The following CHD8 variants were observed in gnomAD, a reference collection of about 807,000 sequenced individuals.
CHD8 encodes ATP-dependent chromatin remodeler CHD8.
Under a neutral mutation model 279.2 loss-of-function variants are expected in CHD8, and 31 were observed. That is an observed-to-expected ratio of 0.11 (90% CI 0.08 to 0.15). CHD8 has a LOEUF of 0.15. CHD8 is among the 10% of genes least tolerant of loss of function. The probability of loss-of-function intolerance (pLI) is 1.00; values close to 1 mark genes in which losing one functional copy is unlikely to be tolerated. For missense variants in CHD8, 2,146 were observed against 3,230.5 expected (o/e 0.66, Z 8.14); for synonymous variants, 1,081 against 1,139.6 (o/e 0.95, Z 1.04).
chr14:21,447,435 G>T (rs1594394811), intron 1 of CHD8, among the ~76,000 whole-genome samples: 1 of 149,050 alleles, frequency 6.7e-6, no homozygotes, highest in African/African-American at 2.5e-5. Flanking sequence ...GCAGTACCAC[G>T]ATCTCAGCTC....
At chr14:21,442,172 CTG>C (rs930963888) in intron 1 of CHD8, among the ~76,000 whole-genome samples, 3 of 152,134 alleles carry the variant, frequency 2.0e-5, no homozygotes, top group African/African-American at 7.2e-5. Flanking sequence ...CAAAGGGAGA[CTG>C]TTTCTACAAT....
chr14:21,431,695 G>A lies in CHD8; in HGVS notation c.-52C>T, dbSNP rs928472084. The A allele has an allele frequency of 3.5e-5, 55 of 1,592,212 alleles. No individual in the cohort carries two copies. The highest frequency in any genetic ancestry group is 1.1e-4 in the Admixed American group (6 of 56,732). On this transcript the variant is annotated 5_prime_UTR_variant, in exon 2 of 38. Transcript: ENST00000646647. ...TCCAAGGTCTAGGGAGGGAAGGGGA[G>A]GGGGGGTACTGGCTCTCCCCTCCCC...
rs145753993 is a variant in CHD8 at position 21,426,407 on chromosome 14, AG to A, written c.1602-166del. 1,303 of 583,334 alleles carry A rather than the reference AG, an allele frequency of 2.2e-3. 6 individuals carry two copies. Among genetic ancestry groups the A allele is most frequent in the African/African-American group, 0.019 (1,011 of 53,106 alleles). The allele number at this position is 583,334 out of a possible 1,614,324, so 36.1% of individuals were successfully genotyped here. A position where few individuals can be genotyped will look rare whatever the true frequency, so the allele number is the denominator to read the frequency against. ...CTAAATATGGTGTTTGAAAAAAAGAAGATATTAGGGTTTGTAAACCACTGAC... is the reference window on the plus strand; with the variant it reads ...CTAAATATGGTGTTTGAAAAAAAGAAATATTAGGGTTTGTAAACCACTGAC... On this transcript the variant is annotated intron_variant, in intron 4 of 37. Coordinates refer to ENST00000646647, the MANE Select transcript of CHD8 (RefSeq NM_001170629.2).
intron 10 of CHD8, among the ~76,000 whole-genome samples, chr14:21,411,130 G>T (rs1243771586): frequency 6.6e-6 from 1 of 152,140 alleles, no homozygotes; most frequent in African/African-American, 2.4e-5. Context: ...AAGGCCAATT[G>T]CTTTTAGAAG....
chr14:21,422,969 G>A (rs985282627), intron 5 of CHD8, among the ~76,000 whole-genome samples: 8 of 151,806 alleles, frequency 5.3e-5, no homozygotes, highest in African/African-American at 1.5e-4. Flanking sequence ...CGCCTCTAAT[G>A]CCAGCATTTT....
At chr14:21,448,211 A>ATC (rs1347495186) in intron 1 of CHD8, among the ~76,000 whole-genome samples, 14 of 152,248 alleles carry the variant, frequency 9.2e-5, no homozygotes, top group Admixed American at 5.9e-4. Context: ...CACTGTTATT[A>ATC]TCAGACTTGT....
Position 21,431,706 on chromosome 14 carries a change from G to A in CHD8, c.-63C>T. On this transcript the variant is annotated 5_prime_UTR_variant, in exon 2 of 38. Coordinates refer to ENST00000646647, the MANE Select transcript of CHD8 (RefSeq NM_001170629.2). ...GGGAGGGAAGGGGAGGGGGGGTACT[G>A]GCTCTCCCCTCCCCTCCCCTATTAA... 7.5e-6 allele frequency: 12 copies of A among 1,601,386 alleles called. No homozygotes were observed. The highest frequency in any genetic ancestry group is 1.0e-5 in the Non-Finnish European group (12 of 1,173,626).
chr14:21,448,286 T>G (rs1169961474), intron 1 of CHD8, among the ~76,000 whole-genome samples: 1 of 152,228 alleles, frequency 6.6e-6, no homozygotes, highest in East Asian at 1.9e-4. Flanking sequence ...TGACTTGCAT[T>G]GGCTAAAAAA....
intron 5 of CHD8, among the ~76,000 whole-genome samples, chr14:21,418,476 C>T (rs766144683): frequency 3.3e-5 from 5 of 151,820 alleles, no homozygotes; most frequent in Non-Finnish European, 5.9e-5. Flanking sequence ...GCCAAGATCA[C>T]GCCACTGCAC....
chr14:21,391,159 A>C, intron 36 of CHD8, 96 bp from the exon 37 acceptor site: 2 of 841,580 alleles, frequency 2.4e-6, no homozygotes, highest in Non-Finnish European at 3.8e-6. Flanking sequence ...ATAAACACTT[A>C]TTACATAGAT....
chr14:21,414,843 T>C (rs1888646712), intron 8 of CHD8, 95 bp downstream of exon 8: 4 of 882,842 alleles, frequency 4.5e-6, no homozygotes, highest in Admixed American at 4.7e-5. Context: ...TACAAGACTA[T>C]AAAAAAGGGA....
At chr14:21,449,935 G>C (rs1458297628) in intron 1 of CHD8, among the ~76,000 whole-genome samples, 1 of 152,166 alleles carries the variant, frequency 6.6e-6, no homozygotes, top group Non-Finnish European at 1.5e-5. Flanking sequence ...ACAGGCGAAA[G>C]CACTAAATTT....
intron 1 of CHD8, among the ~76,000 whole-genome samples, chr14:21,453,308 T>A (rs1386176926): frequency 4.0e-5 from 6 of 151,590 alleles, no homozygotes; most frequent in Non-Finnish European, 8.8e-5. Flanking sequence ...ATACAGAAAT[T>A]ACATTCCCTA....
Position 21,432,212 on chromosome 14 carries a change from G to A in CHD8, c.-215-354C>T, listed in dbSNP as rs1889593220. On this transcript the variant is annotated intron_variant, in intron 1 of 37. Transcript: ENST00000646647. ...TCTATTTTCAGTTTTTAAGTTAGTA[G>A]AACTCAAAAATATGCCACCAGAATT... Among the ~76,000 whole-genome samples, 6 of 152,026 alleles carry A rather than the reference G, an allele frequency of 3.9e-5. No individual in the cohort carries two copies. The South Asian group carries it at 1.2e-3, about 32-fold the overall frequency.
chr14:21,403,048 T>C lies in CHD8; in HGVS notation c.3683A>G (p.Asp1228Gly). Residue 1228 changes from aspartate to glycine, a missense_variant, in exon 18 of 38, where the codon GAT becomes GGT. By Grantham distance (94) the Asp-to-Gly change is moderately conservative. Coordinates refer to ENST00000646647, the MANE Select transcript of CHD8 (RefSeq NM_001170629.2). This position sits in a 1 kb window ranked among gnomAD's most constrained non-coding sequence, Gnocchi z 4.3. ...GTCATTTTGTGGATTCCAGTCTGAA[T>C]CAAAGATGATGCAGGTATCAGCAGC... ...LTAADTCIIF[D>G]SDWNPQNDLQ... The C allele has an allele frequency of 6.2e-7, 1 of 1,614,010 alleles. No individual in the cohort carries two copies. Among genetic ancestry groups the C allele is most frequent in the Non-Finnish European group, 8.5e-7 (1 of 1,179,882 alleles).
chr14:21,400,823 T>C lies in CHD8; in HGVS notation c.4370+52A>G, dbSNP rs1307474967. On this transcript the variant is annotated intron_variant, in intron 22 of 37. Transcript: ENST00000646647. The surrounding 1 kb of genome is among the most constrained non-coding windows in gnomAD (Gnocchi z 4.2). ...TTGAAAGGCAAACCAAGAGTATCTA[T>C]CAGGATGGAGATGCACTATGCACTA... 6.7e-7 allele frequency: 1 copy of C among 1,492,858 alleles called. No homozygotes were observed. Among genetic ancestry groups the C allele is most frequent in the African/African-American group, 1.4e-5 (1 of 71,164 alleles). The allele number at this position is 1,492,858 out of a possible 1,614,324, so 92.5% of individuals were successfully genotyped here. A position where few individuals can be genotyped will look rare whatever the true frequency, so the allele number is the denominator to read the frequency against.
rs536346293 is a variant in CHD8 at position 21,394,382 on chromosome 14, A to C, written c.5494T>G (p.Phe1832Val). The C allele has an allele frequency of 3.1e-6, 5 of 1,613,968 alleles. No homozygotes were observed. In the South Asian group the frequency reaches 5.5e-5, roughly 18 times the overall value. ...MQFHWDRFRT[F>V]ARLDKKTDES... Reference sequence around the variant, plus strand: ...TCTGTCTTTTTGTCTAGTCGAGCAAAAGTGCGGAAGCGATCCCAATGGAAC... The same window carrying C: ...TCTGTCTTTTTGTCTAGTCGAGCAACAGTGCGGAAGCGATCCCAATGGAAC... The change falls in exon 31 of 38, where the codon TTT (phenylalanine) becomes GTT (valine). Residue 1832 changes from phenylalanine (F) to valine (V), a missense_variant. By Grantham distance (50) the Phe-to-Val change is conservative. This residue lies in a region of CHD8 where 513 missense variants were observed against 637.6 expected (regional missense o/e 0.80). Coordinates refer to ENST00000646647, the MANE Select transcript of CHD8 (RefSeq NM_001170629.2).
intron 1 of CHD8, among the ~76,000 whole-genome samples, chr14:21,440,275 C>T (rs187345427): frequency 6.6e-5 from 10 of 152,086 alleles, no homozygotes; most frequent in East Asian, 3.9e-4. Context: ...AGTGCGATCT[C>T]GGCTCACTGC....
chr14:21,409,435 T>C (rs1888386452), intron 11 of CHD8, among the ~76,000 whole-genome samples: 1 of 152,206 alleles, frequency 6.6e-6, no homozygotes. Flanking sequence ...TGGACCTTAC[T>C]GAGAACCAAA....
Sources: allele counts gnomAD v4.1 joint callset (sites outside exome capture counted in the v4.1 genomes callset), GRCh38; gene constraint gnomAD v4.1.1; regional missense constraint gnomAD v4.1.1; non-coding constraint Gnocchi (gnomAD v3.1); transcripts MANE v1.5; gene names NCBI Gene and HGNC (gene_info 2026-07-23, HGNC 2026-07-21).